Variants in PTBP2 observed in about 807,000 individuals in gnomAD.
The protein encoded by PTBP2 is polypyrimidine tract-binding protein 2.
A neutral mutation model predicts 61.4 loss-of-function variants in PTBP2; 13 were observed. The ratio of observed to expected loss-of-function variants is 0.21; its 90% CI spans 0.14 to 0.34. PTBP2 has a LOEUF of 0.34. Among genes scored for constraint, PTBP2 ranks in the 10% least tolerant of loss-of-function variants. The probability of loss-of-function intolerance (pLI) is 1.00; values close to 1 mark genes in which losing one functional copy is unlikely to be tolerated. For synonymous variants in PTBP2, 215 were observed against 218.5 expected, an observed-to-expected ratio of 0.98 and a Z score of 0.14; for missense variants, 405 against 642.6, an observed-to-expected ratio of 0.63 and a Z score of 4.00.
intron 3 of PTBP2, among the ~76,000 whole-genome samples, chr1:96,756,523 C>G (rs1055732356): frequency 3.3e-5 from 5 of 152,088 alleles, no homozygotes; most frequent in Non-Finnish European, 5.9e-5. Flanking sequence ...TTATAGTTGC[C>G]AGAACTTCAT....
At chr1:96,743,530 T>C (rs1327876801) in intron 2 of PTBP2, among the ~76,000 whole-genome samples, 3 of 152,088 alleles carry the variant, frequency 2.0e-5, no homozygotes, top group Admixed American at 2.0e-4. Flanking sequence ...CATACTTTTA[T>C]TAGGTATTGC....
chr1:96,771,004 A>G (rs912325496), intron 5 of PTBP2, 153 bp downstream of exon 5: 18 of 591,810 alleles, frequency 3.0e-5, no homozygotes, highest in African/African-American at 2.5e-4. Context: ...GTTTCTAAGT[A>G]TTAAATACTA....
exon 14 of PTBP2, chr1:96,820,390 A>G (rs1209440292): frequency 1.3e-5 from 2 of 152,146 alleles, no homozygotes; most frequent in African/African-American, 2.4e-5. Flanking sequence ...ATATTCTAGC[A>G]TATTTAATAT....
At chr1:96,754,832 C>G (rs1341431541) in intron 3 of PTBP2, among the ~76,000 whole-genome samples, 1 of 152,090 alleles carries the variant, frequency 6.6e-6, no homozygotes, top group African/African-American at 2.4e-5. Flanking sequence ...GGATCTGTAT[C>G]TCACACTGCA....
At chr1:96,774,611 T>G (rs1657806840) in intron 5 of PTBP2, among the ~76,000 whole-genome samples, 1 of 152,174 alleles carries the variant, frequency 6.6e-6, no homozygotes, top group South Asian at 2.1e-4. Context: ...ATCTGCCTGG[T>G]TTTCTCCATC....
chr1:96,811,138 A>G (rs1044674420), intron 11 of PTBP2, among the ~76,000 whole-genome samples: 1 of 152,048 alleles, frequency 6.6e-6, no homozygotes, highest in Non-Finnish European at 1.5e-5. Context: ...AATTTAAGGA[A>G]GTTATAGGTA....
At chr1:96,727,196 T>A (rs1252152502) in intron 2 of PTBP2, among the ~76,000 whole-genome samples, 1 of 152,248 alleles carries the variant, frequency 6.6e-6, no homozygotes, top group Non-Finnish European at 1.5e-5. Flanking sequence ...TCAGAATAAT[T>A]ATTTTGAAAT....
intron 5 of PTBP2, chr1:96,771,096 A>G (rs2101014838): frequency 3.2e-6 from 1 of 313,842 alleles, no homozygotes; most frequent in Non-Finnish European, 5.8e-6. Context: ...GAAACTTATC[A>G]GGTAGGATTT....
At chr1:96,811,907 T>C (rs977822717) in intron 11 of PTBP2, among the ~76,000 whole-genome samples, 15 of 152,220 alleles carry the variant, frequency 9.9e-5, no homozygotes, top group African/African-American at 3.6e-4. Flanking sequence ...AATAGTCATG[T>C]AATGTTCTGT....
chr1:96,737,265 C>T (rs1652351928), intron 2 of PTBP2, among the ~76,000 whole-genome samples: 1 of 152,086 alleles, frequency 6.6e-6, no homozygotes, highest in East Asian at 1.9e-4. Flanking sequence ...TGCGACCGGC[C>T]CACTTTTTCT....
chr1:96,757,639 T>C (rs765239515), intron 3 of PTBP2, among the ~76,000 whole-genome samples: 7 of 152,292 alleles, frequency 4.6e-5, no homozygotes, highest in Non-Finnish European at 8.8e-5. Flanking sequence ...GTAAAATAAC[T>C]TCAAGTGTAC....
intron 8 of PTBP2, among the ~76,000 whole-genome samples, chr1:96,796,893 T>C (rs573134169): frequency 1.3e-5 from 2 of 152,016 alleles, no homozygotes; most frequent in South Asian, 2.1e-4. Flanking sequence ...AAAGGAGATA[T>C]AAGTGTTGAA....
intron 3 of PTBP2, among the ~76,000 whole-genome samples, chr1:96,763,360 G>A (rs937780451): frequency 1.3e-5 from 2 of 152,118 alleles, no homozygotes; most frequent in African/African-American, 2.4e-5. Context: ...CGGATCACTC[G>A]CGGTTAGGAG....
chr1:96,785,294 G>A, intron 8 of PTBP2, 40 bp downstream of exon 8: 2 of 1,459,834 alleles, frequency 1.4e-6, no homozygotes, highest in Non-Finnish European at 9.1e-7. Context: ...CTCCCATTTT[G>A]CCAAATGGAA....
At position 96,791,831 on chromosome 1, in the gene PTBP2, T is replaced by TTTTG. The variant is rs1292684787; in HGVS notation, c.904+6580_904+6581insGTTT. On this transcript the variant is annotated intron_variant, in intron 8 of 13. Coordinates refer to ENST00000674951, the MANE Select transcript of PTBP2 (RefSeq NM_021190.4). ...CTCTGTTGCTTGGAGTTGTGCTTTT[T>TTTTG]TTTTTTTTTTTTTTTTTTGAGATAG... Among the ~76,000 whole-genome samples, 12 of 127,762 alleles carry TTTTG rather than the reference T, an allele frequency of 9.4e-5. 1 individual carries two copies. Among genetic ancestry groups the TTTTG allele is most frequent in the African/African-American group, 3.8e-4 (11 of 29,266 alleles). 83.8% of individuals were successfully genotyped at this position (127,762 alleles called of 152,430 possible).
In PTBP2 at chr1:96,721,807, T is replaced by TGTGGCTCGCTGGCTGC. The variant is rs3833545; in HGVS notation, c.-49_-34dup. 10 of 1,551,048 alleles carry TGTGGCTCGCTGGCTGC rather than the reference T, an allele frequency of 6.4e-6. No individual in the cohort carries two copies. The East Asian group carries it at 1.7e-4, about 26-fold the overall frequency. ...CCAGCCGCCATTTTCTCGCCGCTTG[T>TGTGGCTCGCTGGCTGC]GTGGCTCGCTGGCTGCGTGGCTCGG... On this transcript the variant is annotated 5_prime_UTR_variant, in exon 1 of 14. Coordinates refer to ENST00000674951, the MANE Select transcript of PTBP2 (RefSeq NM_021190.4).
At chr1:96,812,163 T>G (rs1376875400) in intron 11 of PTBP2, among the ~76,000 whole-genome samples, 5 of 152,166 alleles carry the variant, frequency 3.3e-5, no homozygotes, top group Non-Finnish European at 4.4e-5. Flanking sequence ...ACTTTGTCCT[T>G]AAGGGTTTTA....
chr1:96,749,837 A>G (rs917416906), intron 2 of PTBP2, among the ~76,000 whole-genome samples: 6 of 152,232 alleles, frequency 3.9e-5, no homozygotes, highest in African/African-American at 1.4e-4. Flanking sequence ...TGTGATGTAG[A>G]TGTTATCCCT....
At chr1:96,776,121 T>G (rs978705702) in intron 5 of PTBP2, among the ~76,000 whole-genome samples, 1 of 151,954 alleles carries the variant, frequency 6.6e-6, no homozygotes, top group Non-Finnish European at 1.5e-5. Flanking sequence ...GATTCCTATT[T>G]TAGAAAACAT....
Sources: allele counts gnomAD v4.1 joint callset (sites outside exome capture counted in the v4.1 genomes callset), GRCh38; gene constraint gnomAD v4.1.1; transcripts MANE v1.5; gene names NCBI Gene and HGNC (gene_info 2026-07-23, HGNC 2026-07-21).